The following CELSR1 variants were observed in gnomAD, a reference collection of about 807,000 sequenced individuals.
CELSR1 encodes the protein adhesion G protein-coupled receptor C1.
A neutral mutation model predicts 249.1 loss-of-function variants in CELSR1; 110 were observed. The ratio of observed to expected loss-of-function variants is 0.44; its 90% CI spans 0.38 to 0.52. The LOEUF (loss-of-function observed/expected upper bound fraction) is 0.52, where lower values mean the gene tolerates loss of function less well. CELSR1 is among the 20% of genes least tolerant of loss of function. CELSR1 has a pLI of 0.00. For missense variants in CELSR1, 4,109 were observed against 4,296.4 expected (o/e 0.96, Z 1.22); for synonymous variants, 2,113 against 1,900.0 (o/e 1.11, Z -2.92).
At chr22:46,431,255 C>A (rs1445236048) in intron 5 of CELSR1, among the ~76,000 whole-genome samples, 1 of 152,244 alleles carries the variant, frequency 6.6e-6, no homozygotes, top group Non-Finnish European at 1.5e-5. Flanking sequence ...CCCCAGTGAA[C>A]ACTCACTGTG....
chr22:46,367,416 C>T (rs2078797877), intron 28 of CELSR1, among the ~76,000 whole-genome samples: 2 of 152,244 alleles, frequency 1.3e-5, no homozygotes, highest in Admixed American at 6.5e-5. Flanking sequence ...CTCTGGGGTC[C>T]CCACTGTGTC....
intron 3 of CELSR1, among the ~76,000 whole-genome samples, chr22:46,438,208 G>A (rs529833830): frequency 6.6e-6 from 1 of 152,362 alleles, no homozygotes; most frequent in Admixed American, 6.5e-5. Flanking sequence ...GCCGGGGAAG[G>A]AGAAGGAAAG....
chr22:46,456,744 G>A (rs1349092954), intron 2 of CELSR1, among the ~76,000 whole-genome samples: 1 of 149,632 alleles, frequency 6.7e-6, no homozygotes, highest in Non-Finnish European at 1.5e-5. Flanking sequence ...CAACAGAATC[G>A]CAGAAGGGCT....
Position 46,471,028 on chromosome 22 carries a change from G to C in CELSR1, c.3545-6683C>G, listed in dbSNP as rs1486445980. 1.3e-5 allele frequency among the ~76,000 whole-genome samples: 2 copies of C among 152,228 alleles called. No individual in the cohort carries two copies. The highest frequency in any genetic ancestry group is 1.5e-5 in the Non-Finnish European group (1 of 68,016). On this transcript the variant is annotated intron_variant, in intron 1 of 34. Coordinates refer to ENST00000674500, the MANE Select transcript of CELSR1 (RefSeq NM_001378328.1). The surrounding 1 kb of genome is among the most constrained non-coding windows in gnomAD (Gnocchi z 4.9). ...TAATCCTAGCTACTTGGGAGACTGA[G>C]GCAGGAGAATCGCTTGAACCTGGGA...
At chr22:46,371,840 C>T (rs563520336) in intron 25 of CELSR1, among the ~76,000 whole-genome samples, 222 of 150,308 alleles carry the variant, frequency 1.5e-3, no homozygotes, top group Middle Eastern at 7.0e-3. Flanking sequence ...CTCCATCCAT[C>T]CACCTATTCA....
At position 46,373,034 on chromosome 22, in the gene CELSR1, G is replaced by T. The variant is rs1721100996; in HGVS notation, c.7608C>A (p.Ile2536=). ...TGCTCATGTAGATGTAGTGGAGGAG[G>T]ATGGCAACCACTGTGCACAGAAACT... is the stretch of plus-strand genomic sequence containing the variant. The part of the protein sequence containing the change: ...ENPFLCTVVA[I]LLHYIYMSTF... The change falls in exon 25 of 35, where the codon ATC becomes ATA. Residue 2536 remains isoleucine (I), a synonymous_variant. Coordinates refer to ENST00000674500, the MANE Select transcript of CELSR1 (RefSeq NM_001378328.1). 3.1e-6 allele frequency: 5 copies of T among 1,610,334 alleles called. No homozygotes were observed. In the South Asian group the frequency reaches 5.5e-5, roughly 18 times the overall value.
At chr22:46,384,454 C>T (rs951018700) in intron 20 of CELSR1, 89 bp downstream of exon 20, 52 of 1,424,840 alleles carry the variant, frequency 3.6e-5, no homozygotes, top group South Asian at 2.0e-4. Flanking sequence ...ATCTTCAGTG[C>T]GCAGGTCCTG....
chr22:46,508,392 CCT>C (rs893257686), intron 1 of CELSR1, among the ~76,000 whole-genome samples: 9 of 152,050 alleles, frequency 5.9e-5, no homozygotes, highest in Admixed American at 1.3e-4. Flanking sequence ...CCTGCTTCCC[CCT>C]GACCGTCCCC....
intron 1 of CELSR1, among the ~76,000 whole-genome samples, chr22:46,515,947 T>C (rs1356463824): frequency 6.6e-6 from 1 of 152,162 alleles, no homozygotes; most frequent in Non-Finnish European, 1.5e-5. Context: ...CATTAAAAAG[T>C]CAGGAAACAA....
chr22:46,398,619 C>A lies in CELSR1; in HGVS notation c.5431G>T (p.Gly1811Cys). Residue 1811 changes from glycine (G) to cysteine (C), a missense_variant, in exon 11 of 35, where the codon GGC becomes TGC. Gly to Cys is a radical substitution (Grantham distance 159). Coordinates refer to ENST00000674500, the MANE Select transcript of CELSR1 (RefSeq NM_001378328.1). This position sits in a 1 kb window ranked among gnomAD's most constrained non-coding sequence, Gnocchi z 7.2. ...CTTACCGTCAGCCCGGGAAGCATGC[C>A]CCCGATATCTGCCTTGTTCTGTGCG... ...GMDQNKADIGGMLPGLTVRSV... is the reference protein window; with the variant it reads ...GMDQNKADIGCMLPGLTVRSV... The A allele has an allele frequency of 6.2e-7, 1 of 1,613,820 alleles. No homozygotes were observed. Among genetic ancestry groups the A allele is most frequent in the Non-Finnish European group, 8.5e-7 (1 of 1,179,874 alleles).
At position 46,436,992 on chromosome 22, in the gene CELSR1, T is replaced by C. The variant is rs536167114; in HGVS notation, c.4407-703A>G. Among the ~76,000 whole-genome samples the C allele has an allele frequency of 5.3e-5, 8 of 152,278 alleles. No homozygotes were observed. The South Asian group carries it at 1.4e-3, about 28-fold the overall frequency. ...TTGGTTTATAAGAATGTATGATCCA[T>C]AAGGGGAGGAACCGCAGCTCTCATT... On this transcript the variant is annotated intron_variant, in intron 3 of 34. Coordinates refer to ENST00000674500, the MANE Select transcript of CELSR1 (RefSeq NM_001378328.1). This position sits in a 1 kb window ranked among gnomAD's most constrained non-coding sequence, Gnocchi z 5.9.
In CELSR1 at chr22:46,398,929, A is replaced by G. The variant is rs921340019; in HGVS notation, c.5413-292T>C. Among the ~76,000 whole-genome samples the G allele has an allele frequency of 2.0e-5, 3 of 152,150 alleles. No individual in the cohort carries two copies. The highest frequency in any genetic ancestry group is 4.4e-5 in the Non-Finnish European group (3 of 68,016). On this transcript the variant is annotated intron_variant, in intron 10 of 34. Coordinates refer to ENST00000674500, the MANE Select transcript of CELSR1 (RefSeq NM_001378328.1). The surrounding 1 kb of genome is among the most constrained non-coding windows in gnomAD (Gnocchi z 7.2). The stretch of plus-strand genomic sequence containing the variant: ...GTCCCGCCTCCGTCAAGGGCACAAC[A>G]CTAAACCAGCCACGCTGTGACAGAG...
chr22:46,482,849 T>A (rs747870161), intron 1 of CELSR1, among the ~76,000 whole-genome samples: 5 of 152,184 alleles, frequency 3.3e-5, no homozygotes, highest in Admixed American at 2.0e-4. Context: ...AAGCTCTATC[T>A]GATGTCAAGA....
intron 2 of CELSR1, 126 bp downstream of exon 2, chr22:46,463,581 C>G (rs7292207): frequency 9.6e-7 from 1 of 1,046,734 alleles, no homozygotes; most frequent in African/African-American, 1.6e-5. Context: ...GAGCCCACAC[C>G]TGGGCCCAGC....
At chr22:46,444,162 C>T (rs2079789747) in intron 2 of CELSR1, among the ~76,000 whole-genome samples, 1 of 152,248 alleles carries the variant, frequency 6.6e-6, no homozygotes, top group Non-Finnish European at 1.5e-5. Flanking sequence ...CCCACCTGCT[C>T]CGGGTCGGAA....
rs1418905542 is a variant in CELSR1, at chr22:46,493,715, T to G, written c.3545-29370A>C. Among the ~76,000 whole-genome samples, 4 of 152,134 alleles carry G rather than the reference T, an allele frequency of 2.6e-5. No individual in the cohort carries two copies. The East Asian group carries it at 5.8e-4, about 22-fold the overall frequency. On this transcript the variant is annotated intron_variant, in intron 1 of 34. Coordinates refer to ENST00000674500, the MANE Select transcript of CELSR1 (RefSeq NM_001378328.1). ...GGTCTTTTCTGTGCTGTTCTCGTCA[T>G]AGTGAACAAGGTCTCATGAGATCTG...
intron 2 of CELSR1, among the ~76,000 whole-genome samples, chr22:46,461,754 G>GT (rs1225447948): frequency 6.6e-6 from 1 of 152,190 alleles, no homozygotes; most frequent in South Asian, 2.1e-4. Flanking sequence ...TCTTGGGAGC[G>GT]TAACAGGCCC....
chr22:46,372,858 G>A, intron 25 of CELSR1, 25 bp downstream of exon 25: 1 of 1,578,396 alleles, frequency 6.3e-7, no homozygotes, highest in East Asian at 2.3e-5. Flanking sequence ...GTGGTTTTAT[G>A]CAGGGCCACT....
intron 5 of CELSR1, among the ~76,000 whole-genome samples, chr22:46,416,532 T>TACCTCTACACCCCTCGGC (rs2079404073): frequency 6.6e-6 from 1 of 152,044 alleles, no homozygotes; most frequent in Non-Finnish European, 1.5e-5. Context: ...CTGCCCACGG[T>TACCTCTACACCCCTCGGC]ACCTCTACAC....
Sources: allele counts gnomAD v4.1 joint callset (sites outside exome capture counted in the v4.1 genomes callset), GRCh38; gene constraint gnomAD v4.1.1; non-coding constraint Gnocchi (gnomAD v3.1); transcripts MANE v1.5; gene names NCBI Gene and HGNC (gene_info 2026-07-23, HGNC 2026-07-21).